The following HTR2C variants were observed in gnomAD, a reference collection of about 807,000 sequenced individuals.
The protein encoded by HTR2C is 5-hydroxytryptamine (serotonin) receptor 2C, G protein-coupled.
HTR2C carries 5 observed loss-of-function variants against 21.0 expected under a neutral mutation model. The observed-to-expected ratio is 0.24, with a 90% confidence interval of 0.12 to 0.50. HTR2C has a LOEUF of 0.50. HTR2C is among the 20% of genes least tolerant of loss of function. HTR2C has a pLI of 0.98. For synonymous variants in HTR2C, 150 were observed against 145.3 expected, an observed-to-expected ratio of 1.03 and a Z score of -0.23; for missense variants, 271 against 371.2, an observed-to-expected ratio of 0.73 and a Z score of 2.22.
In HTR2C at chrX:114,703,621, C is replaced by A. The variant is rs868992079; in HGVS notation, c.-79-23237C>A. 1.4e-3 allele frequency among the ~76,000 whole-genome samples: 153 copies of A among 111,577 alleles called. 1 individual carries two copies. The highest frequency in any genetic ancestry group is 3.0e-3 in the African/African-American group (91 of 30,727). The stretch of plus-strand genomic sequence containing the variant: ...CAAGAGAAAGCAGGAAAGATCCAAA[C>A]TTGACACCCTAACATCACAATTAAA... On this transcript the variant is annotated intron_variant, in intron 2 of 5. Coordinates refer to ENST00000276198, the MANE Select transcript of HTR2C (RefSeq NM_000868.4).
At chrX:114,901,209 G>A (rs1327432914) in intron 5 of HTR2C, among the ~76,000 whole-genome samples, 1 of 112,386 alleles carries the variant, frequency 8.9e-6, no homozygotes, top group East Asian at 2.8e-4. Flanking sequence ...TGACCTTATG[G>A]TTTGGAGAGA....
chrX:114,848,779 T>A (rs999747543), intron 5 of HTR2C, among the ~76,000 whole-genome samples: 24 of 111,055 alleles, frequency 2.2e-4, no homozygotes, highest in African/African-American at 4.9e-4. Context: ...GAAAAAAAAA[T>A]TTGTTTCTTT....
At chrX:114,594,119 ATAAAT>A (rs1927739765) in intron 1 of HTR2C, among the ~76,000 whole-genome samples, 1 of 111,933 alleles carries the variant, frequency 8.9e-6, no homozygotes, top group South Asian at 3.7e-4. Context: ...GTGATTTATA[ATAAAT>A]TAAACTGTGC....
intron 4 of HTR2C, among the ~76,000 whole-genome samples, chrX:114,835,279 T>G (rs1355967772): frequency 9.8e-6 from 1 of 101,644 alleles, no homozygotes; most frequent in Non-Finnish European, 2.0e-5. Flanking sequence ...GAAGTTCTCC[T>G]GGATAATATC....
intron 5 of HTR2C, among the ~76,000 whole-genome samples, chrX:114,849,147 A>C (rs1556468511): frequency 2.7e-5 from 3 of 112,247 alleles, no homozygotes; most frequent in Non-Finnish European, 5.6e-5. Flanking sequence ...TTTGAATAAA[A>C]AGTCGTGAAG....
intron 2 of HTR2C, among the ~76,000 whole-genome samples, chrX:114,683,349 T>G (rs1031086763): frequency 3.9e-5 from 4 of 102,581 alleles, no homozygotes; most frequent in Non-Finnish European, 7.9e-5. Flanking sequence ...CAGATGTACC[T>G]GAATGCCATA....
intron 2 of HTR2C, among the ~76,000 whole-genome samples, chrX:114,722,525 GC>G (rs1156995656): frequency 1.8e-5 from 2 of 110,590 alleles, no homozygotes; most frequent in Non-Finnish European, 3.8e-5. Flanking sequence ...CTGCCTGATC[GC>G]CCTGGCCAGC....
chrX:114,780,959 A>C (rs1241594324), intron 4 of HTR2C, among the ~76,000 whole-genome samples: 5 of 111,544 alleles, frequency 4.5e-5, no homozygotes, highest in African/African-American at 1.6e-4. Flanking sequence ...AAAAACTATA[A>C]GATGAAAAAT....
intron 4 of HTR2C, among the ~76,000 whole-genome samples, chrX:114,771,321 A>G (rs2070001057): frequency 9.0e-6 from 1 of 110,999 alleles, no homozygotes; most frequent in Non-Finnish European, 1.9e-5. Flanking sequence ...TTTCTCTGGT[A>G]GCATTTTTCT....
intron 1 of HTR2C, among the ~76,000 whole-genome samples, chrX:114,592,512 C>T (rs1483655549): frequency 9.0e-6 from 1 of 111,355 alleles, no homozygotes; most frequent in Non-Finnish European, 1.9e-5. Context: ...TTTATCACAA[C>T]ACTTATAGAG....
intron 2 of HTR2C, among the ~76,000 whole-genome samples, chrX:114,661,629 C>A (rs1930992344): frequency 9.1e-6 from 1 of 110,163 alleles, no homozygotes; most frequent in Non-Finnish European, 1.9e-5. Flanking sequence ...CGTCAGCCTC[C>A]CAAAGTGCTG....
At chrX:114,749,568 T>A (rs1340414305) in intron 4 of HTR2C, among the ~76,000 whole-genome samples, 1 of 105,276 alleles carries the variant, frequency 9.5e-6, no homozygotes, top group Non-Finnish European at 1.9e-5. Context: ...TGAAAGAGAA[T>A]TGTAGGATCA....
At chrX:114,841,572 T>G (rs1326078293) in intron 4 of HTR2C, among the ~76,000 whole-genome samples, 1 of 110,301 alleles carries the variant, frequency 9.1e-6, no homozygotes, top group East Asian at 2.8e-4. Context: ...AAACCCTGTC[T>G]CTACTAAAAA....
At position 114,731,180 on chromosome X, in the gene HTR2C, A is replaced by G. The variant is rs782094259; in HGVS notation, c.36-114A>G. 40 of 476,488 alleles carry G rather than the reference A, an allele frequency of 8.4e-5. No homozygotes were observed. In the Admixed American group the frequency reaches 1.1e-3, roughly 13 times the overall value. 39.3% of individuals were successfully genotyped at this position (476,488 alleles called of 1,213,427 possible). On this transcript the variant is annotated intron_variant, in intron 3 of 5. Transcript: ENST00000276198. ...AATAATGATGATGACAATGATGCTG[A>G]TGATGATAATGATGACAATGATCCA...
intron 2 of HTR2C, among the ~76,000 whole-genome samples, chrX:114,631,812 T>G (rs1556404353): frequency 9.0e-6 from 1 of 110,921 alleles, no homozygotes; most frequent in East Asian, 2.8e-4. Flanking sequence ...CCCCTTTTTG[T>G]CCATCATGAC....
chrX:114,898,864 C>T (rs1245857940), intron 5 of HTR2C, among the ~76,000 whole-genome samples: 3 of 111,739 alleles, frequency 2.7e-5, no homozygotes, highest in Non-Finnish European at 5.6e-5. Context: ...TTAGGATTGC[C>T]TTGGCTATTT....
chrX:114,692,768 A>G (rs1932144969), intron 2 of HTR2C, among the ~76,000 whole-genome samples: 2 of 112,049 alleles, frequency 1.8e-5, no homozygotes, highest in South Asian at 7.3e-4. Flanking sequence ...TAAATTTGAA[A>G]AAATGAATTA....
At chrX:114,739,709 A>G (rs150057240) in intron 4 of HTR2C, among the ~76,000 whole-genome samples, 2,352 of 112,062 alleles carry the variant, frequency 0.021, 74 homozygotes, top group African/African-American at 0.073. Context: ...GCAAAGGGCT[A>G]ATATCTCTAA....
chrX:114,704,238 T>C (rs1298845617), intron 2 of HTR2C, among the ~76,000 whole-genome samples: 10 of 111,343 alleles, frequency 9.0e-5, no homozygotes, highest in Non-Finnish European at 1.7e-4. Context: ...ATACCAAAGC[T>C]GGGCAGAGAC....
Sources: gnomAD v4.1 joint callset for allele counts (sites outside exome capture counted in the v4.1 genomes callset) on GRCh38, gnomAD v4.1.1 for gene constraint, MANE v1.5 for transcripts, NCBI Gene and HGNC (gene_info 2026-07-23, HGNC 2026-07-21) for gene names.